Variants in DIAPH3 observed in about 807,000 individuals in gnomAD.
DIAPH3 encodes the protein diaphanous related formin 3.
In DIAPH3, 117 loss-of-function variants were observed where a neutral mutation model predicts 144.3. The ratio of observed to expected loss-of-function variants is 0.81; its 90% confidence interval spans 0.70 to 0.95. The LOEUF (loss-of-function observed/expected upper bound fraction) is 0.95. DIAPH3 is among the 40% of genes least tolerant of loss of function. DIAPH3 has a pLI of 0.00. For missense variants in DIAPH3, 1,421 were observed against 1,412.7 expected (o/e 1.01, Z -0.09); for synonymous variants, 519 against 488.9 (o/e 1.06, Z -0.81).
At chr13:59,811,051 G>T (rs2139558113) in intron 24 of DIAPH3, 128 bp from the exon 25 acceptor site, 1 of 854,650 alleles carries the variant, frequency 1.2e-6, no homozygotes, top group Non-Finnish European at 1.8e-6. Flanking sequence ...AGTTATGTTA[G>T]TAATACAGTC....
intron 17 of DIAPH3, among the ~76,000 whole-genome samples, chr13:59,940,644 C>A (rs1455400346): frequency 6.6e-6 from 1 of 151,766 alleles, no homozygotes; most frequent in Non-Finnish European, 1.5e-5. Flanking sequence ...TCCTTTTTTT[C>A]CCAATTAAAA....
Position 59,881,597 on chromosome 13 carries a change from C to T in DIAPH3, c.2368-2129G>A, listed in dbSNP as rs192697151. 1.7e-4 allele frequency among the ~76,000 whole-genome samples: 26 copies of T among 152,184 alleles called. No individual in the cohort carries two copies. In the East Asian group the frequency reaches 3.7e-3, roughly 21 times the overall value. On this transcript the variant is annotated intron_variant, in intron 20 of 27. Coordinates refer to ENST00000400324, the MANE Select transcript of DIAPH3 (RefSeq NM_001042517.2). ...AAAGCTTTCCTGCTGACAAGCTAACCATATGTAGCCAGCATAGAGTAATTA... is the reference window on the plus strand; with the variant it reads ...AAAGCTTTCCTGCTGACAAGCTAACTATATGTAGCCAGCATAGAGTAATTA...
intron 21 of DIAPH3, among the ~76,000 whole-genome samples, chr13:59,866,584 ATTGTT>A (rs1196914376): frequency 6.6e-6 from 1 of 152,082 alleles, no homozygotes; most frequent in Non-Finnish European, 1.5e-5. Context: ...ACAACATTCT[ATTGTT>A]TTATCTGTAA....
At chr13:60,159,238 C>T (rs984978208) in intron 1 of DIAPH3, among the ~76,000 whole-genome samples, 2 of 152,112 alleles carry the variant, frequency 1.3e-5, no homozygotes, top group Non-Finnish European at 2.9e-5. Context: ...AAAGGCATCA[C>T]TAATTATTGC....
At chr13:59,843,852 A>G (rs1400217244) in intron 22 of DIAPH3, among the ~76,000 whole-genome samples, 1 of 152,200 alleles carries the variant, frequency 6.6e-6, no homozygotes, top group Non-Finnish European at 1.5e-5. Context: ...AAAACTAAAG[A>G]GCATTTTAAG....
intron 20 of DIAPH3, among the ~76,000 whole-genome samples, chr13:59,885,489 C>T (rs910009703): frequency 1.0e-4 from 15 of 144,036 alleles, no homozygotes; most frequent in Admixed American, 2.8e-4. Context: ...TTTATACACA[C>T]GTTGTATAAT....
At chr13:59,791,963 G>A (rs766655212) in intron 25 of DIAPH3, among the ~76,000 whole-genome samples, 6 of 152,142 alleles carry the variant, frequency 3.9e-5, no homozygotes, top group Non-Finnish European at 8.8e-5. Context: ...AACTTTGAAG[G>A]CAGCTAAACC....
chr13:60,015,797 T>C, intron 7 of DIAPH3, 116 bp downstream of exon 7: 2 of 906,342 alleles, frequency 2.2e-6, no homozygotes, highest in Non-Finnish European at 1.8e-6. Context: ...AAATTCAATA[T>C]TTTTCCATCA....
rs1329994639 is a variant in DIAPH3 at position 59,802,675 on chromosome 13, T to A, written c.3163+8113A>T. ...TTATTATTATTATTATTATTTTTTTTTTTTTTTTTTTTTTTTTGAGACAGA... is the reference window on the plus strand; with the variant it reads ...TTATTATTATTATTATTATTTTTTTATTTTTTTTTTTTTTTTTGAGACAGA... On this transcript the variant is annotated intron_variant, in intron 25 of 27. Transcript: ENST00000400324. Among the ~76,000 whole-genome samples the A allele has an allele frequency of 6.1e-4, 38 of 62,078 alleles. 1 individual carries two copies. Among genetic ancestry groups the A allele is most frequent in the Admixed American group, 2.6e-3 (14 of 5,390 alleles). The allele number at this position is 62,078 out of a possible 152,430, so 40.7% of individuals were successfully genotyped here.
At chr13:59,777,989 TGTTAA>T (rs1191256448) in intron 25 of DIAPH3, among the ~76,000 whole-genome samples, 2 of 152,202 alleles carry the variant, frequency 1.3e-5, no homozygotes, top group Non-Finnish European at 2.9e-5. Context: ...ATTGTACCAA[TGTTAA>T]GTTATCAGAG....
chr13:60,094,925 A>G (rs1293291110), intron 3 of DIAPH3, among the ~76,000 whole-genome samples: 2 of 152,226 alleles, frequency 1.3e-5, no homozygotes, highest in Non-Finnish European at 2.9e-5. Context: ...TGTTACGTGA[A>G]TAAGTGTTTG....
intron 3 of DIAPH3, among the ~76,000 whole-genome samples, chr13:60,095,794 A>T (rs2137930152): frequency 6.6e-6 from 1 of 152,274 alleles, no homozygotes; most frequent in South Asian, 2.1e-4. Flanking sequence ...CCAAGAATCA[A>T]ACTATTCTGT....
intron 17 of DIAPH3, among the ~76,000 whole-genome samples, chr13:59,938,856 A>G (rs1159088361): frequency 6.6e-6 from 1 of 152,196 alleles, no homozygotes; most frequent in African/African-American, 2.4e-5. Flanking sequence ...GCTGGAGAAG[A>G]TAAGTTCTAA....
chr13:59,905,944 C>A (rs1212070369), intron 20 of DIAPH3, among the ~76,000 whole-genome samples: 1 of 152,120 alleles, frequency 6.6e-6, no homozygotes, highest in Non-Finnish European at 1.5e-5. Context: ...TTGTTTTAAG[C>A]CACCAAGTTT....
At chr13:59,867,727 T>C (rs1377213709) in intron 21 of DIAPH3, among the ~76,000 whole-genome samples, 1 of 152,158 alleles carries the variant, frequency 6.6e-6, no homozygotes, top group Non-Finnish European at 1.5e-5. Flanking sequence ...TGCGTTGCAC[T>C]GTTCTGTTCA....
chr13:60,145,648 CA>C (rs1566822878), intron 1 of DIAPH3, among the ~76,000 whole-genome samples: 1 of 152,092 alleles, frequency 6.6e-6, no homozygotes, highest in African/African-American at 2.4e-5. Context: ...GACTCCGTCT[CA>C]AAAAACAAAA....
intron 27 of DIAPH3, among the ~76,000 whole-genome samples, chr13:59,752,896 T>C (rs1227818468): frequency 6.6e-6 from 1 of 152,346 alleles, no homozygotes; most frequent in South Asian, 2.1e-4. Context: ...TATATACATG[T>C]AAAGTGTCTG....
At chr13:59,778,622 T>C (rs1224270154) in intron 25 of DIAPH3, among the ~76,000 whole-genome samples, 1 of 152,252 alleles carries the variant, frequency 6.6e-6, no homozygotes, top group East Asian at 1.9e-4. Flanking sequence ...TCCTTTTCCC[T>C]TGTCTCATAC....
At chr13:59,856,669 C>T (rs2043271815) in intron 22 of DIAPH3, among the ~76,000 whole-genome samples, 1 of 152,090 alleles carries the variant, frequency 6.6e-6, no homozygotes, top group Non-Finnish European at 1.5e-5. Flanking sequence ...TTTAAAGGCC[C>T]TATCTCCAAA....
Sources: allele counts gnomAD v4.1 joint callset (sites outside exome capture counted in the v4.1 genomes callset), GRCh38; gene constraint gnomAD v4.1.1; transcripts MANE v1.5; gene names NCBI Gene and HGNC (gene_info 2026-07-23, HGNC 2026-07-21).